FSTL5: variants seen among roughly 807,000 people sequenced by gnomAD.
The protein encoded by FSTL5 is follistatin-related protein 5.
In FSTL5, 62 loss-of-function variants were observed where a neutral mutation model predicts 89.1. The ratio of observed to expected loss-of-function variants is 0.70; its 90% CI spans 0.57 to 0.86. The LOEUF is 0.86. Among genes scored for constraint, FSTL5 ranks in the 40% least tolerant of loss-of-function variants. FSTL5 has a pLI of 0.00. For missense variants in FSTL5, 1,057 were observed against 1,001.6 expected (o/e 1.06, Z -0.75); for synonymous variants, 383 against 346.2 (o/e 1.11, Z -1.18).
intron 1 of FSTL5, among the ~76,000 whole-genome samples, chr4:162,129,239 T>G (rs75498149): frequency 0.14 from 20,869 of 152,158 alleles, 1,955 homozygotes; most frequent in Non-Finnish European, 0.19. Context: ...GGCCGAGACT[T>G]TCTATTTTTA....
chr4:161,403,722 G>A (rs1731263144), intron 15 of FSTL5, among the ~76,000 whole-genome samples: 1 of 152,138 alleles, frequency 6.6e-6, no homozygotes, highest in African/African-American at 2.4e-5. Flanking sequence ...TAAAGCAAAA[G>A]CACATCACTA....
intron 10 of FSTL5, among the ~76,000 whole-genome samples, chr4:161,513,894 A>T (rs1276794844): frequency 6.6e-6 from 1 of 152,176 alleles, no homozygotes; most frequent in African/African-American, 2.4e-5. Flanking sequence ...CTTGGTTAAT[A>T]CTTGCATGAT....
At chr4:161,618,462 G>A in intron 7 of FSTL5, among the ~76,000 whole-genome samples, 1 of 137,640 alleles carries the variant, frequency 7.3e-6, no homozygotes, top group African/African-American at 2.8e-5. Flanking sequence ...CTGTGGGTTT[G>A]TCATAGATAG....
At chr4:162,113,624 T>TC (rs1561026279) in intron 1 of FSTL5, among the ~76,000 whole-genome samples, 2 of 152,168 alleles carry the variant, frequency 1.3e-5, no homozygotes, top group Non-Finnish European at 2.9e-5. Flanking sequence ...TCTCTCTCCC[T>TC]CTAGATATCA....
chr4:161,907,057 T>A (rs1733557737), intron 4 of FSTL5, among the ~76,000 whole-genome samples: 1 of 152,098 alleles, frequency 6.6e-6, no homozygotes, highest in South Asian at 2.1e-4. Flanking sequence ...TTTCCACTTG[T>A]TAAAATCTTT....
chr4:161,998,737 A>C (rs1257686960), intron 3 of FSTL5, among the ~76,000 whole-genome samples: 1 of 152,134 alleles, frequency 6.6e-6, no homozygotes, highest in Non-Finnish European at 1.5e-5. Context: ...TTCACCATGC[A>C]AATGGAAACT....
chr4:161,534,648 A>G (rs551517618), intron 10 of FSTL5, among the ~76,000 whole-genome samples: 33 of 152,178 alleles, frequency 2.2e-4, no homozygotes, highest in African/African-American at 7.9e-4. Flanking sequence ...TGGCCATACT[A>G]TCCAAAGCAA....
intron 2 of FSTL5, among the ~76,000 whole-genome samples, chr4:162,093,345 A>C (rs1579021525): frequency 2.0e-5 from 3 of 152,198 alleles, no homozygotes; most frequent in African/African-American, 7.2e-5. Flanking sequence ...ATAGTAGATA[A>C]CAGGTCAAAT....
intron 6 of FSTL5, among the ~76,000 whole-genome samples, chr4:161,749,794 AAAAAAT>A (rs1431303030): frequency 1.3e-5 from 2 of 151,682 alleles, no homozygotes; most frequent in African/African-American, 4.8e-5. Context: ...TCCGTCAAAA[AAAAAAT>A]AAAAATAAAA....
chr4:161,732,921 T>G (rs1739665825), intron 6 of FSTL5, among the ~76,000 whole-genome samples: 1 of 151,866 alleles, frequency 6.6e-6, no homozygotes, highest in Non-Finnish European at 1.5e-5. Flanking sequence ...AATTAGATAT[T>G]AATTCTTCAG....
chr4:161,507,156 A>G (rs890157013), intron 11 of FSTL5, among the ~76,000 whole-genome samples: 1 of 151,968 alleles, frequency 6.6e-6, no homozygotes, highest in African/African-American at 2.4e-5. Flanking sequence ...TGAAACTAGC[A>G]TATGTAAAAT....
intron 3 of FSTL5, among the ~76,000 whole-genome samples, chr4:162,001,257 T>C (rs1354259329): frequency 6.6e-6 from 1 of 152,198 alleles, no homozygotes; most frequent in African/African-American, 2.4e-5. Flanking sequence ...GTAATTGATA[T>C]TATTTCCTGT....
At chr4:161,715,024 T>C (rs561347226) in intron 6 of FSTL5, among the ~76,000 whole-genome samples, 30 of 152,258 alleles carry the variant, frequency 2.0e-4, no homozygotes, top group African/African-American at 7.0e-4. Context: ...TATAAAATAT[T>C]TGAACAACTA....
chr4:162,139,288 G>C (rs1464285274), intron 1 of FSTL5, among the ~76,000 whole-genome samples: 1 of 151,900 alleles, frequency 6.6e-6, no homozygotes, highest in Non-Finnish European at 1.5e-5. Context: ...CTATCTTTAT[G>C]GCCACATATA....
intron 4 of FSTL5, among the ~76,000 whole-genome samples, chr4:161,865,929 A>G (rs750826392): frequency 3.9e-5 from 6 of 152,208 alleles, no homozygotes; most frequent in Non-Finnish European, 8.8e-5. Flanking sequence ...TGTCAAAGAA[A>G]TTATCCTACA....
At chr4:161,841,180 C>G (rs1212808974) in intron 4 of FSTL5, among the ~76,000 whole-genome samples, 1 of 152,134 alleles carries the variant, frequency 6.6e-6, no homozygotes, top group Non-Finnish European at 1.5e-5. Flanking sequence ...TTTAAACTTT[C>G]ATGAAATTGC....
chr4:161,869,462 C>T (rs948951769), intron 4 of FSTL5, among the ~76,000 whole-genome samples: 1 of 152,164 alleles, frequency 6.6e-6, no homozygotes, highest in Non-Finnish European at 1.5e-5. Context: ...CTGTAGCTGA[C>T]ATTATGGCTG....
intron 4 of FSTL5, among the ~76,000 whole-genome samples, chr4:161,903,607 TAAC>T (rs1396753161): frequency 6.6e-6 from 1 of 152,068 alleles, no homozygotes; most frequent in Non-Finnish European, 1.5e-5. Flanking sequence ...AAAGAATTCT[TAAC>T]AAAAGCCAGA....
intron 1 of FSTL5, among the ~76,000 whole-genome samples, chr4:162,162,053 T>C (rs534932928): frequency 3.0e-4 from 46 of 152,218 alleles, no homozygotes; most frequent in African/African-American, 1.1e-3. Context: ...ACAAAGAATA[T>C]CTGTTTAGGG....
Sources: gnomAD v4.1 joint callset for allele counts (sites outside exome capture counted in the v4.1 genomes callset) on GRCh38, gnomAD v4.1.1 for gene constraint, MANE v1.5 for transcripts, NCBI Gene and HGNC (gene_info 2026-07-23, HGNC 2026-07-21) for gene names.